IMPG1: variants seen among roughly 807,000 people sequenced by gnomAD.
The protein encoded by IMPG1 is interphotoreceptor matrix proteoglycan of 150 kDa.
In IMPG1, 85 loss-of-function variants were observed where a neutral mutation model predicts 92.0. The ratio of observed to expected loss-of-function variants is 0.92; its 90% CI spans 0.78 to 1.11. The LOEUF is 1.11. Ranked by LOEUF, IMPG1 falls within the 50% of genes least tolerant of loss-of-function variation. The probability of loss-of-function intolerance (pLI) is 0.00; values close to 1 mark genes in which losing one functional copy is unlikely to be tolerated. For missense variants in IMPG1, 1,022 were observed against 956.0 expected, an observed-to-expected ratio of 1.07 and a Z score of -0.91; for synonymous variants, 367 against 334.1, an observed-to-expected ratio of 1.10 and a Z score of -1.08.
intron 15 of IMPG1, among the ~76,000 whole-genome samples, chr6:75,927,332 A>T (rs181012491): frequency 6.6e-6 from 1 of 152,178 alleles, no homozygotes; most frequent in East Asian, 1.9e-4. Context: ...AGAGCTCTTA[A>T]CTTAAATTTG....
At chr6:76,059,796 A>T (rs1283341301) in intron 1 of IMPG1, among the ~76,000 whole-genome samples, 5 of 152,206 alleles carry the variant, frequency 3.3e-5, no homozygotes, top group African/African-American at 1.2e-4. Context: ...TTAAAAAGAT[A>T]TGTTAATCTA....
intron 13 of IMPG1, among the ~76,000 whole-genome samples, chr6:75,948,291 C>T (rs191845902): frequency 3.9e-5 from 6 of 152,356 alleles, no homozygotes; most frequent in South Asian, 2.1e-4. Context: ...CTCCTGTGAG[C>T]CACGCCATCC....
intron 1 of IMPG1, among the ~76,000 whole-genome samples, chr6:76,071,347 G>T (rs915324756): frequency 8.0e-5 from 12 of 150,410 alleles, no homozygotes; most frequent in Admixed American, 3.3e-4. Context: ...ATCAGATTCA[G>T]TTCAGAATAT....
chr6:76,044,167 A>G (rs1783892686), intron 1 of IMPG1, among the ~76,000 whole-genome samples: 1 of 152,258 alleles, frequency 6.6e-6, no homozygotes, highest in South Asian at 2.1e-4. Flanking sequence ...AGAGAGGGAT[A>G]GGAGCCGAGC....
intron 4 of IMPG1, among the ~76,000 whole-genome samples, chr6:76,032,864 A>G (rs1463422229): frequency 1.3e-5 from 2 of 152,140 alleles, no homozygotes; most frequent in Non-Finnish European, 2.9e-5. Flanking sequence ...CCGCGGAATC[A>G]TGGATAATAA....
intron 9 of IMPG1, 48 bp from the exon 10 acceptor site, chr6:76,005,582 G>A (rs17802616): frequency 0.11 from 167,901 of 1,586,342 alleles, 9,650 homozygotes; most frequent in South Asian, 0.13. Flanking sequence ...ATTGTTACAT[G>A]CCTTGCAAAG....
intron 5 of IMPG1, 57 bp downstream of exon 5, chr6:76,025,137 G>T: frequency 1.1e-6 from 1 of 939,152 alleles, no homozygotes; most frequent in Non-Finnish European, 1.7e-6. Context: ...TAAATAACAT[G>T]CTATCATGAT....
intron 12 of IMPG1, among the ~76,000 whole-genome samples, chr6:75,996,644 A>G (rs370094980): frequency 1.6e-4 from 24 of 152,322 alleles, no homozygotes; most frequent in African/African-American, 5.5e-4. Flanking sequence ...ATGATGCAAC[A>G]GGGAATGACC....
At chr6:76,005,681 A>C in intron 9 of IMPG1, 147 bp from the exon 10 acceptor site, 1 of 729,270 alleles carries the variant, frequency 1.4e-6, no homozygotes, top group Non-Finnish European at 2.3e-6. Flanking sequence ...AAAACATTTC[A>C]ACATTTATCA....
chr6:75,931,178 G>A lies in IMPG1; in HGVS notation c.2045-27C>T, dbSNP rs767476607. On this transcript the variant is annotated intron_variant, in intron 14 of 16. Coordinates refer to ENST00000369950, the MANE Select transcript of IMPG1 (RefSeq NM_001563.4). Reference sequence around the variant, plus strand: ...TGTAAGAAATGGGGCAGATTTTAACGCATGTATGAATAGCTAAGCAATGGA... The same window carrying A: ...TGTAAGAAATGGGGCAGATTTTAACACATGTATGAATAGCTAAGCAATGGA... 1.7e-5 allele frequency: 27 copies of A among 1,585,796 alleles called. 1 individual carries two copies. The East Asian group carries it at 2.3e-4, about 13-fold the overall frequency.
chr6:76,002,832 G>T (rs1783019768), intron 12 of IMPG1, 86 bp downstream of exon 12: 2 of 1,045,124 alleles, frequency 1.9e-6, no homozygotes, highest in Non-Finnish European at 3.0e-6. Context: ...GGATGGCTTT[G>T]TCACTGGTCT....
chr6:75,948,440 A>G (rs1274863905), intron 13 of IMPG1, among the ~76,000 whole-genome samples: 2 of 152,118 alleles, frequency 1.3e-5, no homozygotes, highest in Non-Finnish European at 2.9e-5. Flanking sequence ...CCTAGGTGTG[A>G]CCCACACCTC....
chr6:76,057,212 G>A (rs1784135018), intron 1 of IMPG1, among the ~76,000 whole-genome samples: 1 of 152,106 alleles, frequency 6.6e-6, no homozygotes, highest in African/African-American at 2.4e-5. Flanking sequence ...CCTAGGTGAT[G>A]GGATGATCTA....
chr6:75,947,336 G>C lies in IMPG1; in HGVS notation c.2022C>G (p.Ser674Arg), dbSNP rs1781943179. 3.1e-6 allele frequency: 5 copies of C among 1,613,478 alleles called. No homozygotes were observed. The East Asian group carries it at 1.1e-4, about 36-fold the overall frequency. ...TACCTGGTTCAATGTTGAGAGAGTA[G>C]CTGTCTATTTCCAGATGGAGTTGTT... ...AAQQLHLEID[S>R]YSLNIEPADQ... is the part of the protein sequence containing the mutation. The change falls in exon 14 of 17, where the codon AGC becomes AGG. Residue 674 changes from serine (S) to arginine (R), a missense_variant. This residue lies in a region of IMPG1 where 332 missense variants were observed against 346.2 expected (regional missense o/e 0.96). Coordinates refer to ENST00000369950, the MANE Select transcript of IMPG1 (RefSeq NM_001563.4).
At chr6:76,011,358 A>T in intron 7 of IMPG1, 134 bp from the exon 8 acceptor site, 1 of 523,380 alleles carries the variant, frequency 1.9e-6, no homozygotes. Flanking sequence ...TTTCTTTTAA[A>T]AAAACTCTCC....
chr6:76,072,629 G>C lies in IMPG1; in HGVS notation c.-141C>G, dbSNP rs1324757285. Reference sequence around the variant, plus strand: ...AACCTTCTTGGTTTACCTTTATGAGGGTGTTAATTTATGAAGAACATGTAG... The same window carrying C: ...AACCTTCTTGGTTTACCTTTATGAGCGTGTTAATTTATGAAGAACATGTAG... On this transcript the variant is annotated 5_prime_UTR_variant, in exon 1 of 17. Transcript: ENST00000369950. The C allele has an allele frequency of 1.8e-6, 1 of 546,306 alleles. No individual in the cohort carries two copies. Among genetic ancestry groups the C allele is most frequent in the Non-Finnish European group, 3.2e-6 (1 of 311,632 alleles). The allele number at this position is 546,306 out of a possible 1,614,324, so 33.8% of individuals were successfully genotyped here. A position where few individuals can be genotyped will look rare whatever the true frequency, so the allele number is the denominator to read the frequency against.
intron 6 of IMPG1, among the ~76,000 whole-genome samples, chr6:76,021,015 G>A (rs1035787784): frequency 6.6e-6 from 1 of 152,082 alleles, no homozygotes; most frequent in Non-Finnish European, 1.5e-5. Context: ...TTTTCTTTCA[G>A]GCCCTCCAAA....
intron 12 of IMPG1, among the ~76,000 whole-genome samples, chr6:75,961,902 A>G (rs1002173727): frequency 2.6e-5 from 4 of 152,186 alleles, no homozygotes; most frequent in Non-Finnish European, 5.9e-5. Flanking sequence ...TGTTTACCTA[A>G]AATGAGGTTG....
chr6:75,924,639 ATATAAT>A lies in IMPG1; in HGVS notation c.2244-939_2244-934del, dbSNP rs1290234178. Among the ~76,000 whole-genome samples the A allele has an allele frequency of 7.5e-3, 131 of 17,480 alleles. 13 individuals are homozygous for A. The highest frequency in any genetic ancestry group is 0.023 in the African/African-American group (125 of 5,402). The allele number at this position is 17,480 out of a possible 152,430, so 11.5% of individuals were successfully genotyped here. A position where few individuals can be genotyped will look rare whatever the true frequency, so the allele number is the denominator to read the frequency against. On this transcript the variant is annotated intron_variant, in intron 15 of 16. Transcript: ENST00000369950. The stretch of plus-strand genomic sequence containing the variant: ...TAATATATAATAAATTATATATTAT[ATATAAT>A]TAATTATATATAATATATAATAAAT...
Sources: gnomAD v4.1 joint callset for allele counts (sites outside exome capture counted in the v4.1 genomes callset) on GRCh38, gnomAD v4.1.1 for gene constraint, gnomAD v4.1.1 regional missense constraint, MANE v1.5 for transcripts, NCBI Gene and HGNC (gene_info 2026-07-23, HGNC 2026-07-21) for gene names.